Variants in ARHGEF12 observed in about 807,000 individuals in gnomAD.
ARHGEF12 encodes Rho guanine nucleotide exchange factor 12.
A neutral mutation model predicts 211.2 loss-of-function variants in ARHGEF12; 66 were observed. The observed-to-expected ratio is 0.31, with a 90% CI of 0.26 to 0.38. The LOEUF (loss-of-function observed/expected upper bound fraction) is 0.38, where lower values mean the gene tolerates loss of function less well. ARHGEF12 is among the 10% of genes least tolerant of loss of function. The pLI is 1.00. For synonymous variants in ARHGEF12, 592 were observed against 638.4 expected (o/e 0.93, Z 1.09); for missense variants, 1,429 against 1,869.5 (o/e 0.76, Z 4.34).
intron 34 of ARHGEF12, 139 bp downstream of exon 34, chr11:120,476,887 T>G (rs1352061552): frequency 1.2e-5 from 8 of 657,452 alleles, no homozygotes; most frequent in Non-Finnish European, 2.0e-5. Context: ...CGTTCTACTA[T>G]GAACTTGTTC....
intron 1 of ARHGEF12, among the ~76,000 whole-genome samples, chr11:120,344,667 TA>T (rs1318511504): frequency 6.6e-5 from 10 of 152,222 alleles, no homozygotes; most frequent in Admixed American, 6.5e-5. Context: ...AAGAGGTATT[TA>T]AATATTTTGT....
intron 38 of ARHGEF12, among the ~76,000 whole-genome samples, 179 bp from the exon 39 acceptor site, chr11:120,481,081 G>A (rs1322363751): frequency 6.6e-6 from 1 of 152,206 alleles, no homozygotes; most frequent in African/African-American, 2.4e-5. Context: ...ATGAAAGTTT[G>A]CAGAGTTTAG....
intron 1 of ARHGEF12, among the ~76,000 whole-genome samples, chr11:120,392,776 G>A (rs2135505283): frequency 6.6e-6 from 1 of 152,214 alleles, no homozygotes; most frequent in Admixed American, 6.5e-5. Context: ...TCAGTGGGAG[G>A]GAGAGAAAGA....
intron 1 of ARHGEF12, among the ~76,000 whole-genome samples, chr11:120,403,118 AAGGTATTCTGAGTTG>A (rs1339236364): frequency 2.0e-5 from 3 of 152,228 alleles, no homozygotes; most frequent in African/African-American, 7.2e-5. Flanking sequence ...TAACAAGGAA[AAGGTATTCTGAGTTG>A]AGTGAATAAA....
intron 1 of ARHGEF12, among the ~76,000 whole-genome samples, chr11:120,377,068 A>G (rs1363073976): frequency 6.6e-6 from 1 of 152,124 alleles, no homozygotes; most frequent in Non-Finnish European, 1.5e-5. Context: ...TTGTTTCCAA[A>G]TCTTGGCTAT....
chr11:120,459,359 C>A (rs1946455325), intron 26 of ARHGEF12, 39 bp downstream of exon 26: 11 of 1,585,174 alleles, frequency 6.9e-6, no homozygotes, highest in Non-Finnish European at 7.7e-6. Flanking sequence ...CCTAACATTT[C>A]CAATAGAGAA....
intron 13 of ARHGEF12, among the ~76,000 whole-genome samples, chr11:120,440,735 G>A (rs993440170): frequency 2.1e-4 from 32 of 152,036 alleles, no homozygotes; most frequent in African/African-American, 7.7e-4. Flanking sequence ...TCCACTATGA[G>A]GTTGAATCAG....
In ARHGEF12 at chr11:120,338,132, C is replaced by G. The variant is rs544832229; in HGVS notation, c.32+857C>G. Among the ~76,000 whole-genome samples, 5 of 152,262 alleles carry G rather than the reference C, an allele frequency of 3.3e-5. No individual in the cohort carries two copies. The South Asian group carries it at 8.3e-4, about 25-fold the overall frequency. On this transcript the variant is annotated intron_variant, in intron 1 of 40. Transcript: ENST00000397843. Reference sequence around the variant, plus strand: ...GTAAGGGATAAAAAGCATATTGATTCCTTGACCACATTTCATTCTCAATTT... The same window carrying G: ...GTAAGGGATAAAAAGCATATTGATTGCTTGACCACATTTCATTCTCAATTT...
Position 120,478,417 on chromosome 11 carries a change from ATACT to A in ARHGEF12, c.3766+33_3766+36del, listed in dbSNP as rs755175865. ...AAGTTTTATTCATAACTTATTACAGATACTTACTAAGTATGACACTCATGTGCCA... is the reference window on the plus strand; with the variant it reads ...AAGTTTTATTCATAACTTATTACAGATACTAAGTATGACACTCATGTGCCA... On this transcript the variant is annotated intron_variant, in intron 37 of 40. Coordinates refer to ENST00000397843, the MANE Select transcript of ARHGEF12 (RefSeq NM_015313.3). 5.4e-5 allele frequency: 85 copies of A among 1,585,398 alleles called. No homozygotes were observed. In the Middle Eastern group the frequency reaches 1.0e-3, roughly 19 times the overall value.
chr11:120,395,708 C>T (rs139808553), intron 1 of ARHGEF12, among the ~76,000 whole-genome samples: 97 of 152,138 alleles, frequency 6.4e-4, no homozygotes, highest in African/African-American at 2.3e-3. Context: ...CTTTATATAA[C>T]CATCAGATCT....
At chr11:120,484,184 C>T (rs772846882) in intron 39 of ARHGEF12, among the ~76,000 whole-genome samples, 2 of 152,226 alleles carry the variant, frequency 1.3e-5, no homozygotes, top group Non-Finnish European at 2.9e-5. Context: ...AGAATTGCAT[C>T]TATGGTTACC....
chr11:120,353,019 A>G (rs948985438), intron 1 of ARHGEF12, among the ~76,000 whole-genome samples: 3 of 152,234 alleles, frequency 2.0e-5, no homozygotes, highest in African/African-American at 7.2e-5. Flanking sequence ...GACAGAATCT[A>G]AGAGTCCAGC....
In ARHGEF12 at chr11:120,446,616, G is replaced by A. The variant is rs182610267; in HGVS notation, c.1451+108G>A. The A allele has an allele frequency of 6.9e-4, 556 of 804,482 alleles. 3 individuals are homozygous for A. The African/African-American group carries it at 8.5e-3, about 12-fold the overall frequency. The allele number at this position is 804,482 out of a possible 1,614,324, so 49.8% of individuals were successfully genotyped here. A position where few individuals can be genotyped will look rare whatever the true frequency, so the allele number is the denominator to read the frequency against. On this transcript the variant is annotated intron_variant, in intron 17 of 40. Transcript: ENST00000397843. ...TAGCTTAGCACTAGATAAACCATATGGTCTTATTGTTATTAAAACATAATG... is the reference window on the plus strand; with the variant it reads ...TAGCTTAGCACTAGATAAACCATATAGTCTTATTGTTATTAAAACATAATG...
Position 120,457,249 on chromosome 11 carries a change from A to G in ARHGEF12, c.2188A>G (p.Arg730Gly). The change falls in exon 23 of 41, where the codon AGG becomes GGG. Residue 730 changes from arginine (R) to glycine (G), a missense_variant and splice_region_variant. Arg to Gly is a moderately radical substitution (Grantham distance 125). This residue lies in a region of ARHGEF12 where 373 missense variants were observed against 467.5 expected (regional missense o/e 0.80). Transcript: ENST00000397843. Reference protein sequence around the residue: ...QVQEEECEVERVTEHGTPKPF... With the variant: ...QVQEEECEVEGVTEHGTPKPF... ...GCAGGAGGAGGAATGTGAAGTAGAA[A>G]GGTAATTCAGTGATCTCTTAGAGAA... The G allele has an allele frequency of 1.2e-6, 2 of 1,613,788 alleles. No individual in the cohort carries two copies. Among genetic ancestry groups the G allele is most frequent in the South Asian group, 2.2e-5 (2 of 91,002 alleles).
In ARHGEF12 at chr11:120,459,199, T is replaced by C. The variant is rs1946449920; in HGVS notation, c.2406T>C (p.His802=). 3 of 1,613,284 alleles carry C rather than the reference T, an allele frequency of 1.9e-6. No homozygotes were observed. The highest frequency in any genetic ancestry group is 1.3e-5 in the African/African-American group (1 of 75,006). ...INELFYTERA[H]VRTLKVLDQV... The stretch of plus-strand genomic sequence containing the variant: ...AATTGTTCTACACTGAAAGAGCTCA[T>C]GTTCGAACACTGAAGGTTCTTGATC... The change falls in exon 26 of 41, where the codon CAT becomes CAC. Residue 802 remains histidine (H), a synonymous_variant. Transcript: ENST00000397843.
chr11:120,477,887 A>T (rs1565513969), intron 36 of ARHGEF12, among the ~76,000 whole-genome samples: 1 of 150,658 alleles, frequency 6.6e-6, no homozygotes, highest in African/African-American at 2.4e-5. Context: ...AAAAAAGAAA[A>T]AAAAGAAAAT....
At chr11:120,373,410 A>G (rs191186975) in intron 1 of ARHGEF12, among the ~76,000 whole-genome samples, 5 of 152,314 alleles carry the variant, frequency 3.3e-5, no homozygotes, top group African/African-American at 9.6e-5. Context: ...ACAATGTTCT[A>G]TATAATATTA....
chr11:120,369,144 T>C (rs1020810385), intron 1 of ARHGEF12, among the ~76,000 whole-genome samples: 3 of 146,992 alleles, frequency 2.0e-5, no homozygotes, highest in East Asian at 1.9e-4. Context: ...TTTTTTTTTT[T>C]CTGTGACAGG....
At chr11:120,447,572 A>C (rs1267358862) in intron 18 of ARHGEF12, among the ~76,000 whole-genome samples, 1 of 151,582 alleles carries the variant, frequency 6.6e-6, no homozygotes, top group Non-Finnish European at 1.5e-5. Context: ...TAATCCCAGC[A>C]CTTTGGGAGG....
Sources: gnomAD v4.1 joint callset for allele counts (sites outside exome capture counted in the v4.1 genomes callset) on GRCh38, gnomAD v4.1.1 for gene constraint, gnomAD v4.1.1 regional missense constraint, MANE v1.5 for transcripts, NCBI Gene and HGNC (gene_info 2026-07-23, HGNC 2026-07-21) for gene names.